OPCML: variants seen among roughly 807,000 people sequenced by gnomAD.
The protein encoded by OPCML is opioid-binding protein/cell adhesion molecule.
OPCML carries 13 observed loss-of-function variants against 37.8 expected under a neutral mutation model. That is an observed-to-expected ratio of 0.34 (90% CI 0.22 to 0.55). OPCML has a LOEUF of 0.55. Among genes scored for constraint, OPCML ranks in the 20% least tolerant of loss-of-function variants. OPCML has a pLI of 0.91. For missense variants in OPCML, 341 were observed against 435.6 expected (o/e 0.78, Z 1.93); for synonymous variants, 176 against 168.8 (o/e 1.04, Z -0.33).
intron 2 of OPCML, among the ~76,000 whole-genome samples, chr11:132,759,224 G>A (rs565182235): frequency 5.3e-5 from 8 of 152,148 alleles, no homozygotes; most frequent in African/African-American, 1.7e-4. Context: ...GAGGATTTTC[G>A]CATCGATGTT....
intron 2 of OPCML, among the ~76,000 whole-genome samples, chr11:132,813,433 A>G (rs984605480): frequency 1.3e-5 from 2 of 152,248 alleles, no homozygotes; most frequent in Non-Finnish European, 2.9e-5. Context: ...GCACAATGGT[A>G]GAACCTGAGC....
At chr11:132,865,386 CTG>C (rs1279010676) in intron 2 of OPCML, among the ~76,000 whole-genome samples, 2 of 152,090 alleles carry the variant, frequency 1.3e-5, no homozygotes, top group Non-Finnish European at 2.9e-5. Context: ...TTTGCAAACA[CTG>C]TAAAAACTCC....
At chr11:132,508,774 C>T (rs2096262789) in intron 4 of OPCML, among the ~76,000 whole-genome samples, 1 of 152,210 alleles carries the variant, frequency 6.6e-6, no homozygotes, top group African/African-American at 2.4e-5. Context: ...CCTCCCCAGA[C>T]ATGTGGAACT....
At chr11:132,821,301 C>T (rs1234483143) in intron 2 of OPCML, among the ~76,000 whole-genome samples, 1 of 152,192 alleles carries the variant, frequency 6.6e-6, no homozygotes, top group African/African-American at 2.4e-5. Context: ...ATCCCCTAGG[C>T]ACAAGGCAAG....
chr11:132,622,049 G>A (rs117751553), intron 3 of OPCML, among the ~76,000 whole-genome samples: 1 of 151,976 alleles, frequency 6.6e-6, no homozygotes, highest in Admixed American at 6.6e-5. Flanking sequence ...TTATAAAAGA[G>A]AGAACAAACA....
intron 2 of OPCML, among the ~76,000 whole-genome samples, chr11:132,904,163 AC>A (rs1474151318): frequency 1.3e-5 from 2 of 152,122 alleles, no homozygotes; most frequent in East Asian, 3.9e-4. Context: ...AATCTTGGAC[AC>A]CCTTTTTTGA....
At chr11:133,467,813 C>G (rs1245894440) in intron 1 of OPCML, among the ~76,000 whole-genome samples, 1 of 152,178 alleles carries the variant, frequency 6.6e-6, no homozygotes. Flanking sequence ...AATTCCCTCA[C>G]ACTCCAAATT....
intron 1 of OPCML, among the ~76,000 whole-genome samples, chr11:133,478,108 G>C (rs78674799): frequency 0.015 from 2,340 of 152,218 alleles, 62 homozygotes; most frequent in African/African-American, 0.053. Flanking sequence ...TATTGGAAAA[G>C]GGGCAAATCT....
chr11:133,232,025 G>T (rs570820971), intron 1 of OPCML, among the ~76,000 whole-genome samples: 1 of 152,132 alleles, frequency 6.6e-6, no homozygotes, highest in African/African-American at 2.4e-5. Context: ...CAGGAAGGAC[G>T]AGGGAGAGGA....
intron 3 of OPCML, among the ~76,000 whole-genome samples, chr11:132,539,449 C>A (rs2096349836): frequency 6.6e-6 from 1 of 152,156 alleles, no homozygotes; most frequent in African/African-American, 2.4e-5. Context: ...TTTGAATAAA[C>A]CCTGAGATTT....
chr11:132,597,877 T>TA (rs2137752054), intron 3 of OPCML, among the ~76,000 whole-genome samples: 1 of 152,372 alleles, frequency 6.6e-6, no homozygotes, highest in Non-Finnish European at 1.5e-5. Context: ...ATACGCATTT[T>TA]AATGTGGCAT....
intron 1 of OPCML, among the ~76,000 whole-genome samples, chr11:133,483,740 A>G (rs904351117): frequency 1.3e-5 from 2 of 150,770 alleles, no homozygotes; most frequent in African/African-American, 4.8e-5. Flanking sequence ...CAGATTAGAT[A>G]GATTCATAGA....
At chr11:132,942,066 C>T (rs561428077) in intron 2 of OPCML, among the ~76,000 whole-genome samples, 37 of 152,250 alleles carry the variant, frequency 2.4e-4, no homozygotes, top group Admixed American at 1.9e-3. Context: ...TAAGCTGGGA[C>T]GTCCCTGAAT....
At chr11:132,981,698 C>T (rs1946587922) in intron 1 of OPCML, among the ~76,000 whole-genome samples, 1 of 152,170 alleles carries the variant, frequency 6.6e-6, no homozygotes, top group South Asian at 2.1e-4. Context: ...ACATGGTGAT[C>T]TTAGACTCAG....
In OPCML at chr11:132,608,048, G is replaced by A. The variant is rs530129412; in HGVS notation, c.379+49039C>T. Among the ~76,000 whole-genome samples, 5 of 152,284 alleles carry A rather than the reference G, an allele frequency of 3.3e-5. No individual in the cohort carries two copies. In the South Asian group the frequency reaches 1.0e-3, roughly 32 times the overall value. ...CATAAAGAAGAGACAAATATTTGAG[G>A]TGATTTGATTACCCTGATTTGATCT... On this transcript the variant is annotated intron_variant, in intron 3 of 7. Coordinates refer to ENST00000524381, the MANE Select transcript of OPCML (RefSeq NM_001012393.5).
intron 1 of OPCML, among the ~76,000 whole-genome samples, chr11:133,103,653 T>G (rs990066624): frequency 1.3e-5 from 2 of 152,232 alleles, no homozygotes; most frequent in African/African-American, 4.8e-5. Context: ...ATTTCATGTG[T>G]TGTTGTGTTA....
chr11:132,680,381 C>T (rs1942888045), intron 2 of OPCML, among the ~76,000 whole-genome samples: 1 of 152,208 alleles, frequency 6.6e-6, no homozygotes. Flanking sequence ...CAGGAAATCT[C>T]TCCCAGATTG....
chr11:133,041,073 G>A (rs1372542042), intron 1 of OPCML, among the ~76,000 whole-genome samples: 1 of 152,178 alleles, frequency 6.6e-6, no homozygotes, highest in African/African-American at 2.4e-5. Flanking sequence ...TGGAGAGTTT[G>A]AGTTCAAATC....
In OPCML at chr11:133,099,542, C is replaced by A. The variant is rs569932467; in HGVS notation, c.62-156532G>T. Among the ~76,000 whole-genome samples the A allele has an allele frequency of 1.2e-3, 174 of 150,630 alleles. 1 individual carries two copies. Among genetic ancestry groups the A allele is most frequent in the Non-Finnish European group, 2.1e-3 (141 of 67,858 alleles). ...GGCCTTGTGATTCACCCACCTTGGG[C>A]TCCCAAAGTGCTGGGATTACAGACA... is the stretch of plus-strand genomic sequence containing the variant. On this transcript the variant is annotated intron_variant, in intron 1 of 7. Coordinates refer to ENST00000524381, the MANE Select transcript of OPCML (RefSeq NM_001012393.5).
Sources: allele counts gnomAD v4.1 joint callset (sites outside exome capture counted in the v4.1 genomes callset), GRCh38; gene constraint gnomAD v4.1.1; transcripts MANE v1.5; gene names NCBI Gene and HGNC (gene_info 2026-07-23, HGNC 2026-07-21).